Variants in PDE4D observed in about 807,000 individuals in gnomAD.
PDE4D encodes phosphodiesterase 4D.
PDE4D carries 24 observed loss-of-function variants against 87.4 expected under a neutral mutation model. The ratio of observed to expected loss-of-function variants is 0.27; its 90% CI spans 0.20 to 0.39. PDE4D has a LOEUF of 0.39. PDE4D is among the 10% of genes least tolerant of loss of function. PDE4D has a pLI of 1.00. For missense variants in PDE4D, 714 were observed against 1,041.0 expected (o/e 0.69, Z 4.32); for synonymous variants, 384 against 383.2 (o/e 1.00, Z -0.02).
intron 1 of PDE4D, among the ~76,000 whole-genome samples, chr5:59,576,677 C>A (rs1823217631): frequency 2.0e-5 from 3 of 152,088 alleles, no homozygotes; most frequent in Admixed American, 6.6e-5. Context: ...CAAAGGCTAG[C>A]TTGGTCTCAG....
At chr5:59,009,588 T>A (rs1752354183) in intron 6 of PDE4D, among the ~76,000 whole-genome samples, 1 of 152,000 alleles carries the variant, frequency 6.6e-6, no homozygotes, top group African/African-American at 2.4e-5. Context: ...GACGTGGGGT[T>A]TGGGGAATGA....
At chr5:59,022,347 TC>T (rs1755343258) in intron 6 of PDE4D, among the ~76,000 whole-genome samples, 1 of 152,176 alleles carries the variant, frequency 6.6e-6, no homozygotes, top group Non-Finnish European at 1.5e-5. Context: ...TTTCTCTGCC[TC>T]ACACTGCCTA....
At position 59,272,139 on chromosome 5, in the gene PDE4D, A is replaced by G. The variant is rs183096938; in HGVS notation, c.456-56171T>C. 2.7e-3 allele frequency among the ~76,000 whole-genome samples: 414 copies of G among 152,196 alleles called. 2 individuals are homozygous for G. Among genetic ancestry groups the G allele is most frequent in the African/African-American group, 9.4e-3 (389 of 41,572 alleles). The stretch of plus-strand genomic sequence containing the variant: ...ACAGTAGCATCTCTTTTATTTTCAG[A>G]TTACATAATGAATGATCTTACATGT... On this transcript the variant is annotated intron_variant, in intron 1 of 14. Coordinates refer to ENST00000340635, the MANE Select transcript of PDE4D (RefSeq NM_001104631.2).
chr5:59,639,116 A>T (rs992477325), intron 1 of PDE4D, among the ~76,000 whole-genome samples: 3 of 152,116 alleles, frequency 2.0e-5, no homozygotes, highest in Non-Finnish European at 2.9e-5. Context: ...TTATTTAATA[A>T]TTTTTTATAA....
intron 2 of PDE4D, among the ~76,000 whole-genome samples, chr5:60,141,585 A>G (rs1390644057): frequency 6.6e-6 from 1 of 152,088 alleles, no homozygotes; most frequent in African/African-American, 2.4e-5. Flanking sequence ...GCTAATAACA[A>G]GAGCTTGCTT....
intron 1 of PDE4D, among the ~76,000 whole-genome samples, chr5:59,324,251 T>C (rs1057372973): frequency 3.3e-5 from 5 of 152,184 alleles, no homozygotes; most frequent in East Asian, 3.9e-4. Flanking sequence ...TATGATACTA[T>C]AGTTTCTGAT....
At chr5:60,349,400 G>C (rs1009438031) in intron 1 of PDE4D, among the ~76,000 whole-genome samples, 2 of 152,252 alleles carry the variant, frequency 1.3e-5, no homozygotes, top group East Asian at 3.9e-4. Context: ...AAATCAAATA[G>C]AGACTGAGTG....
At chr5:60,171,590 A>G (rs978553027) in intron 2 of PDE4D, among the ~76,000 whole-genome samples, 3 of 152,238 alleles carry the variant, frequency 2.0e-5, no homozygotes, top group African/African-American at 7.2e-5. Context: ...TATTTTTTCC[A>G]GAAAGGATTA....
At position 58,971,526 on chromosome 5, in the gene PDE4D, A is replaced by G. The variant is rs936141268; in HGVS notation, c.*3138T>C. 2.0e-5 allele frequency: 3 copies of G among 151,706 alleles called. No homozygotes were observed. Among genetic ancestry groups the G allele is most frequent in the Non-Finnish European group, 4.4e-5 (3 of 67,956 alleles). 9.4% of individuals were successfully genotyped at this position (151,706 alleles called of 1,614,324 possible). A position where few individuals can be genotyped will look rare whatever the true frequency, so the allele number is the denominator to read the frequency against. On this transcript the variant is annotated 3_prime_UTR_variant, in exon 15 of 15. Transcript: ENST00000340635. ...ATTACAGGTAAGGTCATTTGGTGAG[A>G]AAAAAAATGCATGGCACAAAAAATA...
chr5:60,387,893 C>A (rs528919302), intron 1 of PDE4D, among the ~76,000 whole-genome samples: 1 of 152,146 alleles, frequency 6.6e-6, no homozygotes, highest in Non-Finnish European at 1.5e-5. Context: ...GATGCTTCCA[C>A]CTGTAGACAC....
intron 2 of PDE4D, among the ~76,000 whole-genome samples, chr5:60,043,896 A>C (rs1768827644): frequency 1.3e-5 from 2 of 152,176 alleles, no homozygotes; most frequent in South Asian, 4.1e-4. Flanking sequence ...CTGTATCCAG[A>C]ATTCTAGTTT....
chr5:59,128,148 C>T (rs979615386), intron 5 of PDE4D, among the ~76,000 whole-genome samples: 5 of 151,750 alleles, frequency 3.3e-5, no homozygotes, highest in Admixed American at 6.6e-5. Context: ...GCTATTCCCC[C>T]GACACAGTGG....
At chr5:59,736,584 C>A (rs576496275) in intron 1 of PDE4D, among the ~76,000 whole-genome samples, 1 of 151,840 alleles carries the variant, frequency 6.6e-6, no homozygotes, top group South Asian at 2.1e-4. Flanking sequence ...AAGGCTGAGG[C>A]ACGAGAATTG....
rs545621526 is a variant in PDE4D at position 59,275,188 on chromosome 5, CAT to C, written c.456-59222_456-59221del. On this transcript the variant is annotated intron_variant, in intron 1 of 14. Transcript: ENST00000340635. ...AATCAGCACCCATTTGGTTAAAGCA[CAT>C]GAGTTTGGGAACAAAATAAAGAATA... 4.2e-4 allele frequency: 245 copies of C among 584,020 alleles called. No homozygotes were observed. The African/African-American group carries it at 4.4e-3, about 11-fold the overall frequency. The allele number at this position is 584,020 out of a possible 1,614,324, so 36.2% of individuals were successfully genotyped here. A position where few individuals can be genotyped will look rare whatever the true frequency, so the allele number is the denominator to read the frequency against.
At chr5:60,503,453 T>C (rs1750187960) in intron 1 of PDE4D, among the ~76,000 whole-genome samples, 1 of 152,184 alleles carries the variant, frequency 6.6e-6, no homozygotes, top group African/African-American at 2.4e-5. Context: ...ATTTTCTTTG[T>C]CTTGCTTTGG....
intron 1 of PDE4D, among the ~76,000 whole-genome samples, chr5:59,405,678 A>G (rs76818833): frequency 6.6e-6 from 1 of 152,178 alleles, no homozygotes; most frequent in African/African-American, 2.4e-5. Context: ...TGGGTCTGTC[A>G]TATATGGCTT....
At chr5:59,233,737 C>T (rs1422555874) in intron 1 of PDE4D, among the ~76,000 whole-genome samples, 1 of 152,106 alleles carries the variant, frequency 6.6e-6, no homozygotes, top group African/African-American at 2.4e-5. Context: ...ATTTCATTGC[C>T]ACCTTAGAGA....
intron 5 of PDE4D, among the ~76,000 whole-genome samples, chr5:59,161,965 T>G (rs185213183): frequency 3.9e-5 from 6 of 152,332 alleles, no homozygotes; most frequent in Admixed American, 3.9e-4. Context: ...TAAGGGGATC[T>G]GTCACATGGA....
chr5:60,480,378 C>T (rs760358304), intron 1 of PDE4D, among the ~76,000 whole-genome samples: 34 of 151,866 alleles, frequency 2.2e-4, no homozygotes, highest in African/African-American at 4.6e-4. Flanking sequence ...AATTAATATA[C>T]GTAAAATGTA....
Sources: gnomAD v4.1 joint callset for allele counts (sites outside exome capture counted in the v4.1 genomes callset) on GRCh38, gnomAD v4.1.1 for gene constraint, MANE v1.5 for transcripts, NCBI Gene and HGNC (gene_info 2026-07-23, HGNC 2026-07-21) for gene names.